PEX5L: variants seen among roughly 807,000 people sequenced by gnomAD.
PEX5L encodes peroxisomal biogenesis factor 5 like, also known as PEX5-related protein.
In PEX5L, 30 loss-of-function variants were observed where a neutral mutation model predicts 84.0. The observed-to-expected ratio is 0.36, with a 90% CI of 0.27 to 0.48. The LOEUF (loss-of-function observed/expected upper bound fraction) is 0.48. Among genes scored for constraint, PEX5L ranks in the 20% least tolerant of loss-of-function variants. PEX5L has a pLI of 0.99. For missense variants in PEX5L, 533 were observed against 754.6 expected, an observed-to-expected ratio of 0.71 and a Z score of 3.44; for synonymous variants, 270 against 283.1, an observed-to-expected ratio of 0.95 and a Z score of 0.46.
At chr3:179,826,656 G>A (rs1224938893) in intron 8 of PEX5L, among the ~76,000 whole-genome samples, 1 of 152,106 alleles carries the variant, frequency 6.6e-6, no homozygotes, top group Non-Finnish European at 1.5e-5. Context: ...TCTGTGTTCC[G>A]TATGATAACA....
chr3:180,032,568 G>A (rs1006641232), intron 1 of PEX5L, among the ~76,000 whole-genome samples: 1 of 152,172 alleles, frequency 6.6e-6, no homozygotes. Flanking sequence ...GATGGAAAAG[G>A]GTGAGCCGGG....
chr3:179,892,097 T>C (rs1386335086), intron 3 of PEX5L, among the ~76,000 whole-genome samples: 1 of 152,162 alleles, frequency 6.6e-6, no homozygotes, highest in Non-Finnish European at 1.5e-5. Flanking sequence ...TTAAAATAAC[T>C]GAGGTGAACT....
intron 2 of PEX5L, among the ~76,000 whole-genome samples, chr3:179,937,560 C>T (rs750002601): frequency 4.6e-5 from 7 of 152,142 alleles, no homozygotes; most frequent in Non-Finnish European, 8.8e-5. Flanking sequence ...TTTATTTCTC[C>T]AGGAAAGACC....
intron 8 of PEX5L, among the ~76,000 whole-genome samples, chr3:179,824,179 G>A (rs2109010065): frequency 6.6e-6 from 1 of 152,262 alleles, no homozygotes; most frequent in East Asian, 1.9e-4. Flanking sequence ...TAGTCATCTA[G>A]TTAACATAGA....
intron 5 of PEX5L, among the ~76,000 whole-genome samples, chr3:179,877,744 C>T (rs1752881217): frequency 6.6e-6 from 1 of 152,158 alleles, no homozygotes; most frequent in African/African-American, 2.4e-5. Context: ...AGATATGAGC[C>T]ACTGCACCCA....
At chr3:180,014,320 A>T (rs1219518994) in intron 1 of PEX5L, among the ~76,000 whole-genome samples, 1 of 152,110 alleles carries the variant, frequency 6.6e-6, no homozygotes, top group Non-Finnish European at 1.5e-5. Context: ...AAAATACAAA[A>T]AATTAGCCAG....
chr3:179,988,388 CAATA>C lies in PEX5L; in HGVS notation c.22-16727_22-16724del, dbSNP rs56669562. On this transcript the variant is annotated intron_variant, in intron 1 of 14. Transcript: ENST00000467460. The stretch of plus-strand genomic sequence containing the variant: ...TGGGCGACAGAGTGAAAATCTGCCT[CAATA>C]AATAAATAAATAAATAAATAAATAA... Among the ~76,000 whole-genome samples the C allele has an allele frequency of 9.0e-3, 1,292 of 143,512 alleles. 13 individuals are homozygous for C. The highest frequency in any genetic ancestry group is 0.016 in the Admixed American group (236 of 14,350). The allele number at this position is 143,512 out of a possible 152,430, so 94.1% of individuals were successfully genotyped here. A position where few individuals can be genotyped will look rare whatever the true frequency, so the allele number is the denominator to read the frequency against.
intron 11 of PEX5L, 141 bp from the exon 12 acceptor site, chr3:179,809,809 C>G: frequency 1.6e-6 from 1 of 622,716 alleles, no homozygotes; most frequent in Admixed American, 3.0e-5. Context: ...CTGGAAAGCA[C>G]CATATTTATC....
At position 180,036,750 on chromosome 3, in the gene PEX5L, G is replaced by A. The variant is rs1791943803; in HGVS notation, c.-151C>T. The A allele has an allele frequency of 6.4e-6, 5 of 779,312 alleles. No individual in the cohort carries two copies. The highest frequency in any genetic ancestry group is 5.1e-5 in the African/African-American group (3 of 58,730). 48.3% of individuals were successfully genotyped at this position (779,312 alleles called of 1,614,324 possible). On this transcript the variant is annotated 5_prime_UTR_variant, in exon 1 of 15. Transcript: ENST00000467460. ...TGGAGCTCCGGGTACTCGGCCGGCC[G>A]GCGGCCACTCGGCAGCGCTGCGGGC...
intron 14 of PEX5L, among the ~76,000 whole-genome samples, chr3:179,803,358 C>T (rs757329656): frequency 5.9e-5 from 9 of 152,082 alleles, no homozygotes; most frequent in African/African-American, 1.4e-4. Flanking sequence ...ATTTCCAATA[C>T]GGTAAATATT....
chr3:179,995,635 G>T (rs1331281049), intron 1 of PEX5L, among the ~76,000 whole-genome samples: 1 of 152,128 alleles, frequency 6.6e-6, no homozygotes, highest in Non-Finnish European at 1.5e-5. Flanking sequence ...ACAAAGTGAT[G>T]AAAGAAACTG....
chr3:179,903,729 G>A (rs909978371), intron 2 of PEX5L, among the ~76,000 whole-genome samples: 10 of 152,144 alleles, frequency 6.6e-5, no homozygotes, highest in African/African-American at 1.9e-4. Context: ...CCCAACACAG[G>A]AAAAGGTCAG....
chr3:179,892,866 A>C (rs1758021014), intron 3 of PEX5L, among the ~76,000 whole-genome samples: 1 of 152,148 alleles, frequency 6.6e-6, no homozygotes, highest in Non-Finnish European at 1.5e-5. Context: ...TCGACACTTG[A>C]AGAAGGACTT....
At chr3:180,020,126 CTCAG>C (rs937791238) in intron 1 of PEX5L, among the ~76,000 whole-genome samples, 3 of 152,132 alleles carry the variant, frequency 2.0e-5, no homozygotes, top group Admixed American at 6.6e-5. Context: ...AAATAATCTT[CTCAG>C]TCAAATAACG....
intron 1 of PEX5L, chr3:179,973,423 C>T: frequency 9.0e-7 from 1 of 1,115,928 alleles, no homozygotes; most frequent in African/African-American, 1.6e-5. Flanking sequence ...GCACAAAAAA[C>T]TCACTGAAAT....
At chr3:179,947,706 G>T (rs1476199049) in intron 2 of PEX5L, among the ~76,000 whole-genome samples, 4 of 99,636 alleles carry the variant, frequency 4.0e-5, no homozygotes, top group African/African-American at 8.8e-5. Context: ...AATCAAAAAA[G>T]TTACTTTTTT....
intron 2 of PEX5L, among the ~76,000 whole-genome samples, chr3:179,946,226 C>T (rs1029087494): frequency 2.6e-5 from 4 of 152,116 alleles, no homozygotes; most frequent in Admixed American, 6.5e-5. Flanking sequence ...GAGCTTCAAT[C>T]CAGGCTCTTG....
chr3:180,029,075 C>T (rs569601761), intron 1 of PEX5L, among the ~76,000 whole-genome samples: 6 of 152,304 alleles, frequency 3.9e-5, no homozygotes, highest in Admixed American at 3.3e-4. Flanking sequence ...GCCATATTTT[C>T]GTGCAGCCTT....
intron 14 of PEX5L, among the ~76,000 whole-genome samples, chr3:179,805,761 G>A (rs148200105): frequency 9.7e-4 from 148 of 152,138 alleles, no homozygotes; most frequent in African/African-American, 3.4e-3. Flanking sequence ...TCCAGTATGG[G>A]AGACTTTCTG....
Sources: allele counts gnomAD v4.1 joint callset (sites outside exome capture counted in the v4.1 genomes callset), GRCh38; gene constraint gnomAD v4.1.1; transcripts MANE v1.5; gene names NCBI Gene and HGNC (gene_info 2026-07-23, HGNC 2026-07-21).